Variants in MYH7 observed in about 807,000 individuals in gnomAD.
MYH7 encodes myosin heavy chain 7, also known as myosin-7.
MYH7 carries 129 observed loss-of-function variants against 225.4 expected under a neutral mutation model. The ratio of observed to expected loss-of-function variants is 0.57; its 90% CI spans 0.50 to 0.66. The LOEUF is 0.66. MYH7 is among the 30% of genes least tolerant of loss of function. MYH7 has a pLI of 0.00. For synonymous variants in MYH7, 971 were observed against 1,007.6 expected, an observed-to-expected ratio of 0.96 and a Z score of 0.69; for missense variants, 1,649 against 2,517.0, an observed-to-expected ratio of 0.66 and a Z score of 7.38.
At position 23,422,259 on chromosome 14, in the gene MYH7, C is replaced by CTTCAGGGT; in HGVS notation, c.3165_3166insACCCTGAA (p.Glu1056ThrfsTer7). The CTTCAGGGT allele has an allele frequency of 6.2e-7, 1 of 1,614,118 alleles. No homozygotes were observed. Reference sequence around the variant, plus strand: ...TCCTGGGTCAGCTTCAGGTCGCCCTCCAGCTTCCGCTTCGCTCGCTCCAGG... The same window carrying CTTCAGGGT: ...TCCTGGGTCAGCTTCAGGTCGCCCTCTTCAGGGTCAGCTTCCGCTTCGCTCGCTCCAGG... On this transcript the variant is annotated frameshift_variant, in exon 25 of 40. Transcript: ENST00000355349. LOFTEE classifies it high-confidence loss of function.
At position 23,425,004 on chromosome 14, in the gene MYH7, T is replaced by A; in HGVS notation, c.2444A>T (p.Gln815Leu). The change falls in exon 22 of 40, where the codon CAG becomes CTG. Residue 815 changes from glutamine (Q) to leucine (L), a missense_variant. Coordinates refer to ENST00000355349, the MANE Select transcript of MYH7 (RefSeq NM_000257.4). The surrounding 1 kb of genome is among the most constrained non-coding windows in gnomAD (Gnocchi z 4.6). ...LERRDSLLVI[Q>L]WNIRAFMGVK... ...CCCCATGAAGGCCCGAATGTTCCAC[T>A]GGATTACCAGCAGGGAGTCTCTGCA... 2 of 1,614,222 alleles carry A rather than the reference T, an allele frequency of 1.2e-6. No individual in the cohort carries two copies. Among genetic ancestry groups the A allele is most frequent in the Non-Finnish European group, 1.7e-6 (2 of 1,180,044 alleles).
chr14:23,424,539 G>A lies in MYH7; in HGVS notation c.2679+230C>T, dbSNP rs142480787. The stretch of plus-strand genomic sequence containing the variant: ...CCCAAGGTCACAAAATAATTAAGCT[G>A]TGTATCTAGGTTGAACCCAAGTAGA... On this transcript the variant is annotated intron_variant, in intron 22 of 39. Transcript: ENST00000355349. Among the ~76,000 whole-genome samples, 234 of 152,328 alleles carry A rather than the reference G, an allele frequency of 1.5e-3. 2 individuals are homozygous for A. In the East Asian group the frequency reaches 0.028, roughly 18 times the overall value.
intron 32 of MYH7, 59 bp from the exon 33 acceptor site, chr14:23,417,051 G>T (rs1443906780): frequency 6.2e-7 from 1 of 1,613,946 alleles, no homozygotes; most frequent in Non-Finnish European, 8.5e-7. Flanking sequence ...GAGTTGGAGG[G>T]ACACGCCTCT....
In MYH7 at chr14:23,425,557, G is replaced by A. The variant is rs1004911885; in HGVS notation, c.2286+138C>T. On this transcript the variant is annotated intron_variant, in intron 20 of 39. Transcript: ENST00000355349. This position sits in a 1 kb window ranked among gnomAD's most constrained non-coding sequence, Gnocchi z 4.6. Reference sequence around the variant, plus strand: ...ATGGCAGCTGGAGCTGGGATGAGGGGAGTGGTGCTAGATGTTCCACTGGGA... The same window carrying A: ...ATGGCAGCTGGAGCTGGGATGAGGGAAGTGGTGCTAGATGTTCCACTGGGA... 3 of 1,572,360 alleles carry A rather than the reference G, an allele frequency of 1.9e-6. No homozygotes were observed. Among genetic ancestry groups the A allele is most frequent in the African/African-American group, 1.3e-5 (1 of 74,160 alleles).
intron 30 of MYH7, 140 bp downstream of exon 30, chr14:23,418,070 A>T: frequency 8.0e-7 from 1 of 1,251,458 alleles, no homozygotes; most frequent in Non-Finnish European, 1.2e-6. Context: ...GAGGAGAAGG[A>T]GGTGGGGCCG....
intron 25 of MYH7, 69 bp downstream of exon 25, chr14:23,422,111 C>G: frequency 6.2e-7 from 1 of 1,605,900 alleles, no homozygotes; most frequent in South Asian, 1.1e-5. Context: ...CAGAGGATGG[C>G]TGTCTTGGGT....
In MYH7 at chr14:23,414,007, C is replaced by T. The variant is rs753392652; in HGVS notation, c.5655G>A (p.Ala1885=). Residue 1885 remains alanine (A), a splice_region_variant and synonymous_variant, in exon 38 of 40, where the codon GCG becomes GCA. Coordinates refer to ENST00000355349, the MANE Select transcript of MYH7 (RefSeq NM_000257.4). ...VKAYKRQAEE[A]EEQANTNLSK... ...CCTAGTCCCCAGCAGGGTCACTCAC[C>T]GCCTCCTCGGCCTGGCGCTTGTAGG... is the stretch of plus-strand genomic sequence containing the variant. 3.6e-5 allele frequency: 58 copies of T among 1,614,010 alleles called. No individual in the cohort carries two copies. Among genetic ancestry groups the T allele is most frequent in the Non-Finnish European group, 4.7e-5 (56 of 1,180,024 alleles).
At chr14:23,421,096 A>C in intron 25 of MYH7, 48 bp from the exon 26 acceptor site, 2 of 1,391,300 alleles carry the variant, frequency 1.4e-6, no homozygotes, top group Non-Finnish European at 2.0e-6. Flanking sequence ...GTGGGGCCTC[A>C]GGAGGGTCCA....
rs1892362373 is a variant in MYH7, at chr14:23,419,248, G to A, written c.3901C>T (p.Leu1301=). The A allele has an allele frequency of 6.2e-7, 1 of 1,614,050 alleles. No individual in the cohort carries two copies. Among genetic ancestry groups the A allele is most frequent in the Non-Finnish European group, 8.5e-7 (1 of 1,180,044 alleles). Residue 1301 remains leucine, a synonymous_variant, in exon 29 of 40, where the codon CTG becomes TTG. Transcript: ENST00000355349. ...LDEKEALISQ[L]TRGKLTYTQQ... is the part of the protein sequence containing the mutation. ...GTGTAGGTGAGCTTGCCTCGGGTCA[G>A]CTGGGAGATCAGTGCCTCCTTCTCA...
chr14:23,427,094 A>C, intron 17 of MYH7, 146 bp downstream of exon 17: 1 of 867,878 alleles, frequency 1.2e-6, no homozygotes, highest in South Asian at 1.4e-5. Flanking sequence ...AGATGACGGG[A>C]AGAGAAGACA....
intron 39 of MYH7, 140 bp from the exon 40 acceptor site, chr14:23,413,011 CAT>C (rs1892036493): frequency 3.6e-6 from 3 of 841,984 alleles, no homozygotes; most frequent in Admixed American, 2.0e-5. Context: ...GGCAGCAGCA[CAT>C]GTGTTTCCAG....
In MYH7 at chr14:23,425,733, C is replaced by G. The variant is rs1208712277; in HGVS notation, c.2248G>C (p.Asp750His). ...AACTTGTACTGGTTGTGATCAATGT[C>G]CAGGGAGCTGAGCAGCTTCTCTGCC... ...KGAEKLLSSLDIDHNQYKFGH... is the reference protein window; with the variant it reads ...KGAEKLLSSLHIDHNQYKFGH... Residue 750 changes from aspartate to histidine, a missense_variant, in exon 20 of 40, where the codon GAC becomes CAC. Physicochemically the swap from Asp to His is moderately conservative, Grantham distance 81. Coordinates refer to ENST00000355349, the MANE Select transcript of MYH7 (RefSeq NM_000257.4). The surrounding 1 kb of genome is among the most constrained non-coding windows in gnomAD (Gnocchi z 4.6). 1.9e-6 allele frequency: 3 copies of G among 1,613,992 alleles called. No individual in the cohort carries two copies. Among genetic ancestry groups the G allele is most frequent in the Non-Finnish European group, 1.7e-6 (2 of 1,179,868 alleles).
At chr14:23,432,403 G>T (rs1892985095) in intron 6 of MYH7, 76 bp downstream of exon 6, 1 of 1,582,174 alleles carries the variant, frequency 6.3e-7, no homozygotes, top group Non-Finnish European at 8.7e-7. Context: ...ATGCCTCGGG[G>T]CCTGGGACAC....
Position 23,417,288 on chromosome 14 carries a change from C to T in MYH7, c.4384G>A (p.Glu1462Lys), listed in dbSNP as rs1892258263. The T allele has an allele frequency of 1.2e-6, 2 of 1,614,168 alleles. No homozygotes were observed. The highest frequency in any genetic ancestry group is 1.7e-6 in the Non-Finnish European group (2 of 1,180,026). Residue 1462 changes from glutamate to lysine, a missense_variant, in exon 32 of 40, where the codon GAG becomes AAG. Glu to Lys is a moderately conservative substitution (Grantham distance 56). Around this residue, in one of 12 missense-constraint regions of MYH7, gnomAD observed 687 missense variants for 913.8 expected, o/e 0.75. Coordinates refer to ENST00000355349, the MANE Select transcript of MYH7 (RefSeq NM_000257.4). ...ILAEWKQKYE[E>K]SQSELESSQK... ...GAGGACTCCAGCTCCGACTGCGACT[C>T]CTCATACTTCTGCTTCCACTCGGCC...
At chr14:23,419,713 G>A (rs1892389232) in intron 27 of MYH7, 104 bp from the exon 28 acceptor site, 6 of 1,612,174 alleles carry the variant, frequency 3.7e-6, no homozygotes, top group Non-Finnish European at 4.2e-6. Flanking sequence ...GGTGTGAAAA[G>A]AAGGAGGGGA....
At chr14:23,414,190 C>T (rs552574185) in intron 37 of MYH7, 88 bp from the exon 38 acceptor site, 119 of 1,151,230 alleles carry the variant, frequency 1.0e-4, no homozygotes, top group Non-Finnish European at 1.3e-4. Flanking sequence ...CATCTGATAT[C>T]CTGACCCAAT....
intron 11 of MYH7, 112 bp from the exon 12 acceptor site, chr14:23,430,025 G>T: frequency 7.7e-7 from 1 of 1,302,052 alleles, no homozygotes; most frequent in Non-Finnish European, 1.1e-6. Context: ...TGGGTTCTGA[G>T]ACTCCCATAC....
intron 6 of MYH7, 79 bp downstream of exon 6, chr14:23,432,400 G>A (rs1365393982): frequency 1.2e-5 from 19 of 1,574,216 alleles, no homozygotes; most frequent in Admixed American, 8.3e-5. Context: ...TCTATGCCTC[G>A]GGGCCTGGGA....
chr14:23,428,928 C>T (rs1892806891), intron 14 of MYH7, 27 bp downstream of exon 14: 2 of 1,614,150 alleles, frequency 1.2e-6, no homozygotes, highest in Middle Eastern at 1.7e-4. Context: ...AGTGATTGTT[C>T]TCCCACTCCC....
Sources: allele counts gnomAD v4.1 joint callset (sites outside exome capture counted in the v4.1 genomes callset), GRCh38; gene constraint gnomAD v4.1.1; regional missense constraint gnomAD v4.1.1; non-coding constraint Gnocchi (gnomAD v3.1); transcripts MANE v1.5; gene names NCBI Gene and HGNC (gene_info 2026-07-23, HGNC 2026-07-21).